The following NEDD4 variants were observed in gnomAD, a reference collection of about 807,000 sequenced individuals.
The protein encoded by NEDD4 is NEDD4 E3 ubiquitin protein ligase, also known as E3 ubiquitin-protein ligase NEDD4.
In NEDD4, 99 loss-of-function variants were observed where a neutral mutation model predicts 144.9. That is an observed-to-expected ratio of 0.68 (90% CI 0.58 to 0.81). NEDD4 has a LOEUF of 0.81. Ranked by LOEUF, NEDD4 falls within the 30% of genes least tolerant of loss-of-function variation. The pLI is 0.00. For missense variants in NEDD4, 985 were observed against 1,065.9 expected, an observed-to-expected ratio of 0.92 and a Z score of 1.06; for synonymous variants, 318 against 350.6, an observed-to-expected ratio of 0.91 and a Z score of 1.04.
chr15:55,976,699 A>G (rs561848400), intron 1 of NEDD4, among the ~76,000 whole-genome samples: 1 of 143,918 alleles, frequency 6.9e-6, no homozygotes, highest in African/African-American at 2.6e-5. Context: ...GTGCAATCTC[A>G]CTTCACTGCA....
In NEDD4 at chr15:55,828,654, A is replaced by G. The variant is rs1332902265; in HGVS notation, c.*1243T>C. ...CAGCGCTAGGCACGCAGCATTCAAT[A>G]AACGTTTGATGAATACATGTACATG... On this transcript the variant is annotated 3_prime_UTR_variant, in exon 29 of 29. Coordinates refer to ENST00000435532, the MANE Select transcript of NEDD4 (RefSeq NM_006154.4). 6.6e-6 allele frequency: 1 copy of G among 152,626 alleles called. No individual in the cohort carries two copies. The highest frequency in any genetic ancestry group is 2.1e-4 in the South Asian group (1 of 4,830). The allele number at this position is 152,626 out of a possible 1,614,324, so 9.5% of individuals were successfully genotyped here.
intron 1 of NEDD4, among the ~76,000 whole-genome samples, chr15:55,983,395 C>T (rs1256428573): frequency 6.6e-6 from 1 of 152,158 alleles, no homozygotes; most frequent in Non-Finnish European, 1.5e-5. Flanking sequence ...ATCAGGCTAT[C>T]CTCTCCAGCC....
At chr15:55,989,689 C>G (rs961498960) in intron 1 of NEDD4, among the ~76,000 whole-genome samples, 5 of 152,184 alleles carry the variant, frequency 3.3e-5, no homozygotes, top group Non-Finnish European at 7.3e-5. Flanking sequence ...CTTCAGTCAG[C>G]CTTTCTTATA....
chr15:55,915,597 T>C, intron 5 of NEDD4: 1 of 1,613,944 alleles, frequency 6.2e-7, no homozygotes, highest in South Asian at 1.1e-5. Context: ...GAGCTTAATA[T>C]ACTCTGAATC....
At position 55,841,991 on chromosome 15, in the gene NEDD4, A is replaced by G. The variant is rs1287863637; in HGVS notation, c.1781T>C (p.Phe594Ser). 4 of 1,614,112 alleles carry G rather than the reference A, an allele frequency of 2.5e-6. No individual in the cohort carries two copies. The African/African-American group carries it at 5.3e-5, about 22-fold the overall frequency. The change falls in exon 19 of 29, where the codon TTC becomes TCC. Residue 594 changes from phenylalanine to serine, a missense_variant. Transcript: ENST00000435532. Reference sequence around the variant, plus strand: ...GTTAAACATTTCCTTTGAGATCAGGAAGAACCATTCTCTGGCAACTCCTCC... The same window carrying G: ...GTTAAACATTTCCTTTGAGATCAGGGAGAACCATTCTCTGGCAACTCCTCC... Reference protein sequence around the residue: ...DYGGVAREWFFLISKEMFNPY... With the variant: ...DYGGVAREWFSLISKEMFNPY...
Position 55,837,858 on chromosome 15 carries a change from A to G in NEDD4, c.2202-9T>C. The G allele has an allele frequency of 1.2e-6, 2 of 1,601,620 alleles. No individual in the cohort carries two copies. Among genetic ancestry groups the G allele is most frequent in the South Asian group, 2.2e-5 (2 of 89,770 alleles). Reference sequence around the variant, plus strand: ...GCCATTGTATTACAAGACTAAAAAGAAACAACATTTCATTTTCATGTGAAC... The same window carrying G: ...GCCATTGTATTACAAGACTAAAAAGGAACAACATTTCATTTTCATGTGAAC... On this transcript the variant is annotated splice_polypyrimidine_tract_variant and intron_variant, in intron 23 of 28. Transcript: ENST00000435532.
At chr15:55,953,416 G>A (rs369285459) in intron 2 of NEDD4, among the ~76,000 whole-genome samples, 4 of 151,942 alleles carry the variant, frequency 2.6e-5, no homozygotes, top group African/African-American at 9.6e-5. Context: ...TGGCTCCAGA[G>A]GCCATACTCT....
intron 1 of NEDD4, among the ~76,000 whole-genome samples, chr15:55,974,197 C>A (rs1303897891): frequency 5.3e-5 from 8 of 152,082 alleles, no homozygotes. Flanking sequence ...TATACACATA[C>A]AACCTTCCAA....
Position 55,870,186 on chromosome 15 carries a change from A to C in NEDD4, c.405-505T>G, listed in dbSNP as rs557270197. On this transcript the variant is annotated intron_variant, in intron 7 of 28. Transcript: ENST00000435532. ...AGGTCATGCAAAATCAGACAACTTC[A>C]GACTTTATTTTGCATATTTTGGTAA... Among the ~76,000 whole-genome samples, 4 of 152,328 alleles carry C rather than the reference A, an allele frequency of 2.6e-5. No individual in the cohort carries two copies. The East Asian group carries it at 7.7e-4, about 29-fold the overall frequency.
intron 4 of NEDD4, among the ~76,000 whole-genome samples, chr15:55,943,444 C>T (rs2037045643): frequency 6.6e-6 from 1 of 152,170 alleles, no homozygotes; most frequent in African/African-American, 2.4e-5. Context: ...TGGGACACTG[C>T]TCTCTGAGTC....
intron 1 of NEDD4, among the ~76,000 whole-genome samples, chr15:55,972,923 CAAG>C (rs2037635161): frequency 6.6e-6 from 1 of 152,074 alleles, no homozygotes; most frequent in South Asian, 2.1e-4. Context: ...ATCATTTCAA[CAAG>C]AAGATACAAC....
chr15:55,901,705 T>C (rs1490034036), intron 5 of NEDD4, among the ~76,000 whole-genome samples: 1 of 152,072 alleles, frequency 6.6e-6, no homozygotes, highest in Non-Finnish European at 1.5e-5. Flanking sequence ...TTCATGTGGA[T>C]TCATAATTAC....
chr15:55,957,155 G>A (rs2037351352), intron 2 of NEDD4, among the ~76,000 whole-genome samples: 1 of 152,168 alleles, frequency 6.6e-6, no homozygotes, highest in Non-Finnish European at 1.5e-5. Flanking sequence ...GCATTTTGTG[G>A]TGGTGTTAAA....
intron 17 of NEDD4, 120 bp from the exon 18 acceptor site, chr15:55,847,154 G>A (rs1184486347): frequency 2.0e-5 from 10 of 509,182 alleles, no homozygotes; most frequent in Non-Finnish European, 2.8e-5. Flanking sequence ...GGAAAGAAAA[G>A]TTTAATTAGA....
chr15:55,897,911 A>C (rs2035789408), intron 5 of NEDD4, among the ~76,000 whole-genome samples: 1 of 151,972 alleles, frequency 6.6e-6, no homozygotes, highest in African/African-American at 2.4e-5. Context: ...CATGAGCCAC[A>C]CTCCCATCCT....
chr15:55,890,430 T>C (rs1016937613), intron 5 of NEDD4, among the ~76,000 whole-genome samples: 2 of 152,224 alleles, frequency 1.3e-5, no homozygotes, highest in African/African-American at 4.8e-5. Context: ...ATTCTGGATA[T>C]TTCATATAAG....
intron 1 of NEDD4, among the ~76,000 whole-genome samples, chr15:55,981,350 C>T (rs939425764): frequency 2.0e-5 from 3 of 147,928 alleles, no homozygotes; most frequent in Non-Finnish European, 3.0e-5. Context: ...CAGGTGTGAG[C>T]CACCACGCCC....
chr15:55,921,355 C>T (rs1055550507), intron 5 of NEDD4, among the ~76,000 whole-genome samples: 5 of 151,560 alleles, frequency 3.3e-5, no homozygotes, highest in Non-Finnish European at 5.9e-5. Flanking sequence ...GACGGAGTCT[C>T]ACTCTGTTGC....
chr15:55,933,057 T>C (rs964033282), intron 4 of NEDD4, among the ~76,000 whole-genome samples: 3 of 152,100 alleles, frequency 2.0e-5, no homozygotes, highest in Non-Finnish European at 2.9e-5. Flanking sequence ...TATGGAGAAA[T>C]AGGAACACTT....
Sources: allele counts gnomAD v4.1 joint callset (sites outside exome capture counted in the v4.1 genomes callset), GRCh38; gene constraint gnomAD v4.1.1; transcripts MANE v1.5; gene names NCBI Gene and HGNC (gene_info 2026-07-23, HGNC 2026-07-21).